MEGF6: variants seen among roughly 807,000 people sequenced by gnomAD.
MEGF6 encodes the protein multiple EGF like domains 6.
A neutral mutation model predicts 207.1 loss-of-function variants in MEGF6; 184 were observed. That is an observed-to-expected ratio of 0.89 (90% CI 0.79 to 1.00). The LOEUF is 1.00. Ranked by LOEUF, MEGF6 falls within the 50% of genes least tolerant of loss-of-function variation. The probability of loss-of-function intolerance (pLI) is 0.00; values close to 1 mark genes in which losing one functional copy is unlikely to be tolerated. For missense variants in MEGF6, 2,282 were observed against 2,202.9 expected, an observed-to-expected ratio of 1.04 and a Z score of -0.72; for synonymous variants, 1,038 against 910.0, an observed-to-expected ratio of 1.14 and a Z score of -2.53.
At chr1:3,564,717 C>T (rs1643297465) in intron 4 of MEGF6, among the ~76,000 whole-genome samples, 3 of 152,154 alleles carry the variant, frequency 2.0e-5, no homozygotes, top group Admixed American at 6.5e-5. Context: ...CCCTTAAAAC[C>T]CTCAGCCATG....
intron 35 of MEGF6, 133 bp downstream of exon 35, chr1:3,492,506 C>T (rs1377755316): frequency 1.8e-5 from 23 of 1,267,358 alleles, no homozygotes; most frequent in Middle Eastern, 2.7e-4. Flanking sequence ...AGATGACATT[C>T]GCTATGTCTG....
intron 1 of MEGF6, among the ~76,000 whole-genome samples, chr1:3,607,166 A>G (rs1215038770): frequency 6.6e-6 from 1 of 151,536 alleles, no homozygotes; most frequent in Non-Finnish European, 1.5e-5. Flanking sequence ...AACCTCAGCA[A>G]TCTCAGCTGC....
chr1:3,583,752 ACCCACAGCCACAGCCACCAGACAACC>A (rs1378070476), intron 3 of MEGF6, among the ~76,000 whole-genome samples: 56 of 106 alleles, frequency 0.53, 17 homozygotes, highest in South Asian at 1. Flanking sequence ...CCACCAGACA[ACCCACAGCCACAGCCACCAGACAACC>A]CGCAGCCACC....
chr1:3,584,232 A>G (rs1175697142), intron 3 of MEGF6, among the ~76,000 whole-genome samples: 1 of 152,224 alleles, frequency 6.6e-6, no homozygotes, highest in Non-Finnish European at 1.5e-5. Context: ...CTGAACCACA[A>G]GCAAACGCCT....
At chr1:3,532,834 C>T (rs1018129518) in intron 4 of MEGF6, among the ~76,000 whole-genome samples, 2 of 152,236 alleles carry the variant, frequency 1.3e-5, no homozygotes, top group African/African-American at 2.4e-5. Context: ...CAGCTGCGGC[C>T]GCTGTGCCAG....
chr1:3,600,510 C>T (rs1025748055), intron 2 of MEGF6, among the ~76,000 whole-genome samples: 4 of 152,202 alleles, frequency 2.6e-5, no homozygotes, highest in South Asian at 2.1e-4. Flanking sequence ...AGCTGGAGGG[C>T]GGGGAACAGG....
intron 4 of MEGF6, among the ~76,000 whole-genome samples, chr1:3,576,931 C>A (rs1643659778): frequency 1.4e-5 from 2 of 141,094 alleles, no homozygotes; most frequent in Non-Finnish European, 3.1e-5. Context: ...CACACTCCAC[C>A]CCTGCACACC....
intron 4 of MEGF6, among the ~76,000 whole-genome samples, chr1:3,564,072 G>T (rs145449727): frequency 1.3e-5 from 2 of 152,220 alleles, no homozygotes; most frequent in Non-Finnish European, 2.9e-5. Flanking sequence ...CTGATTTACT[G>T]TCAGTCCTGC....
intron 4 of MEGF6, among the ~76,000 whole-genome samples, chr1:3,537,830 GCTGGTC>G (rs1358089849): frequency 6.6e-6 from 1 of 152,232 alleles, no homozygotes; most frequent in African/African-American, 2.4e-5. Flanking sequence ...CCGCAAAAGT[GCTGGTC>G]CATGCACAGG....
Position 3,611,000 on chromosome 1 carries a change from CT to C in MEGF6, c.131+137del. ...CCCTGGAGCCCTGTGTCTCAGCCAC[CT>C]CCTCCCCAGTTAACGCAAACAGCCC... is the stretch of plus-strand genomic sequence containing the variant. On this transcript the variant is annotated intron_variant, in intron 1 of 36. Coordinates refer to ENST00000356575, the MANE Select transcript of MEGF6 (RefSeq NM_001409.4). 4.2e-6 allele frequency: 5 copies of C among 1,180,114 alleles called. No individual in the cohort carries two copies. The African/African-American group carries it at 6.5e-5, about 15-fold the overall frequency. 73.1% of individuals were successfully genotyped at this position (1,180,114 alleles called of 1,614,324 possible).
chr1:3,534,119 C>T (rs1213377599), intron 4 of MEGF6, among the ~76,000 whole-genome samples: 1 of 152,148 alleles, frequency 6.6e-6, no homozygotes, highest in Non-Finnish European at 1.5e-5. Flanking sequence ...CTACGGCCAG[C>T]CGGAGCCCAC....
Position 3,498,705 on chromosome 1 carries a change from A to G in MEGF6, c.3216T>C (p.Cys1072=), listed in dbSNP as rs1640720586. 7.7e-6 allele frequency: 12 copies of G among 1,567,408 alleles called. No homozygotes were observed. Among genetic ancestry groups the G allele is most frequent in the Admixed American group, 1.8e-5 (1 of 55,418 alleles). The change falls in exon 25 of 37, where the codon TGT becomes TGC. Residue 1072 remains cysteine, a synonymous_variant. Coordinates refer to ENST00000356575, the MANE Select transcript of MEGF6 (RefSeq NM_001409.4). The part of the protein sequence containing the change: ...ACPEGWAGLA[C]EKECLPRDVR... ...CTGCCGCCCAGCGCTCACCCTTCTC[A>G]CAGGCCAGGCCGGCCCAGCCCTCTG...
chr1:3,559,730 G>A (rs937449521), intron 4 of MEGF6, among the ~76,000 whole-genome samples: 8 of 152,054 alleles, frequency 5.3e-5, no homozygotes, highest in South Asian at 2.1e-4. Context: ...GCACTCGCCC[G>A]GCCGGGTACG....
chr1:3,546,240 T>C (rs1024908071), intron 4 of MEGF6, among the ~76,000 whole-genome samples: 2 of 152,216 alleles, frequency 1.3e-5, no homozygotes, highest in African/African-American at 2.4e-5. Flanking sequence ...CCCAGTGGGT[T>C]TTCCTTCTGT....
intron 26 of MEGF6, among the ~76,000 whole-genome samples, chr1:3,497,981 G>A (rs534199677): frequency 9.9e-5 from 15 of 152,260 alleles, no homozygotes; most frequent in South Asian, 2.1e-4. Context: ...AGGCCCTGCC[G>A]GCACAGCAGC....
At position 3,534,030 on chromosome 1, in the gene MEGF6, C is replaced by T. The variant is rs74875915; in HGVS notation, c.482-9784G>A. ...CCACCCTGGGAAAGGGCTCCTGCCT[C>T]GTGCTGTCTCGAGGAGGAGGGAGGA... On this transcript the variant is annotated intron_variant, in intron 4 of 36. Transcript: ENST00000356575. Among the ~76,000 whole-genome samples, 1,293 of 152,186 alleles carry T rather than the reference C, an allele frequency of 8.5e-3. 70 individuals are homozygous for T. In the East Asian group the frequency reaches 0.12, roughly 14 times the overall value.
intron 4 of MEGF6, among the ~76,000 whole-genome samples, chr1:3,548,794 G>A (rs932598390): frequency 6.6e-6 from 1 of 152,166 alleles, no homozygotes; most frequent in African/African-American, 2.4e-5. Context: ...CCAGCACCGG[G>A]GCAGCCTCAC....
intron 34 of MEGF6, chr1:3,493,207 C>CCCCTCTTATCCTCAGGTGGGT (rs1640447104): frequency 4.6e-6 from 1 of 218,918 alleles, no homozygotes; most frequent in Non-Finnish European, 9.2e-6. Context: ...CTCAGGTGAG[C>CCCCTCTTATCCTCAGGTGGGT]CCCTCCTATC....
In MEGF6 at chr1:3,605,332, T is replaced by G. The variant is rs557933386; in HGVS notation, c.132-2732A>C. On this transcript the variant is annotated intron_variant, in intron 1 of 36. Transcript: ENST00000356575. ...CACATTCATATGCATGCTTACACAC[T>G]CAACATGCTCATACACTCACGCACG... Among the ~76,000 whole-genome samples the G allele has an allele frequency of 4.1e-3, 609 of 150,218 alleles. 1 individual carries two copies. The highest frequency in any genetic ancestry group is 6.6e-3 in the Non-Finnish European group (447 of 67,416).
Sources: allele counts gnomAD v4.1 joint callset (sites outside exome capture counted in the v4.1 genomes callset), GRCh38; gene constraint gnomAD v4.1.1; transcripts MANE v1.5; gene names NCBI Gene and HGNC (gene_info 2026-07-23, HGNC 2026-07-21).